Variants in USP25 observed in about 807,000 individuals in gnomAD.
The protein encoded by USP25 is ubiquitin specific peptidase 25, also known as ubiquitin carboxyl-terminal hydrolase 25.
In USP25, 85 loss-of-function variants were observed where a neutral mutation model predicts 158.5. The ratio of observed to expected loss-of-function variants is 0.54; its 90% CI spans 0.45 to 0.64. The LOEUF is 0.64. Ranked by LOEUF, USP25 falls within the 30% of genes least tolerant of loss-of-function variation. USP25 has a pLI of 0.00. For synonymous variants in USP25, 464 were observed against 460.4 expected (o/e 1.01, Z -0.10); for missense variants, 1,242 against 1,327.3 (o/e 0.94, Z 1.00).
At chr21:15,745,988 G>C (rs1445863835) in intron 1 of USP25, among the ~76,000 whole-genome samples, 1 of 152,108 alleles carries the variant, frequency 6.6e-6, no homozygotes, top group Admixed American at 6.5e-5. Context: ...AATTATATTG[G>C]TACCTTTATG....
intron 3 of USP25, among the ~76,000 whole-genome samples, chr21:15,770,151 T>C (rs946745862): frequency 3.3e-5 from 5 of 152,210 alleles, no homozygotes; most frequent in East Asian, 3.9e-4. Flanking sequence ...AATTCTCTTA[T>C]GCTAAACAGT....
rs1409112375 is a variant in USP25, at chr21:15,831,603, A to G, written c.1967A>G (p.Asn656Ser). The G allele has an allele frequency of 6.2e-7, 1 of 1,613,716 alleles. No homozygotes were observed. The highest frequency in any genetic ancestry group is 8.5e-7 in the Non-Finnish European group (1 of 1,179,818). The change falls in exon 16 of 26, where the codon AAT becomes AGT. Residue 656 changes from asparagine (N) to serine (S), a missense_variant. Coordinates refer to ENST00000400183, the MANE Select transcript of USP25 (RefSeq NM_001283041.3). Reference sequence around the variant, plus strand: ...AGTGCATACTGTTTAATGTACATAAATGATAAGGCACAGTTCCTAATACAA... The same window carrying G: ...AGTGCATACTGTTTAATGTACATAAGTGATAAGGCACAGTTCCTAATACAA... ...NASAYCLMYI[N>S]DKAQFLIQEE...
intron 20 of USP25, among the ~76,000 whole-genome samples, chr21:15,860,967 T>TAGAGAGAG (rs1285954666): frequency 1.2e-4 from 17 of 141,298 alleles, no homozygotes; most frequent in African/African-American, 4.1e-4. Context: ...TATATATATA[T>TAGAGAGAG]ATATATATAG....
At chr21:15,870,796 A>C (rs893208147) in intron 23 of USP25, among the ~76,000 whole-genome samples, 2 of 152,062 alleles carry the variant, frequency 1.3e-5, no homozygotes, top group Admixed American at 1.3e-4. Context: ...GGGATATTGA[A>C]TTTTTCCTTT....
intron 1 of USP25, among the ~76,000 whole-genome samples, chr21:15,730,808 C>A (rs2030758496): frequency 6.6e-6 from 1 of 152,104 alleles, no homozygotes; most frequent in African/African-American, 2.4e-5. Context: ...CCGATTTTGT[C>A]TTTCAAAGGT....
In USP25 at chr21:15,777,895, GC is replaced by G; in HGVS notation, c.269-8del. ...TTTTAATTTTGAGAAAGATAGTTTT[GC>G]TTTTCAGATGTGATTGATCTCACTG... On this transcript the variant is annotated splice_polypyrimidine_tract_variant and splice_region_variant and intron_variant, in intron 3 of 25. Transcript: ENST00000400183. 6.4e-7 allele frequency: 1 copy of G among 1,564,218 alleles called. No individual in the cohort carries two copies. Among genetic ancestry groups the G allele is most frequent in the Non-Finnish European group, 8.6e-7 (1 of 1,162,578 alleles).
chr21:15,845,479 A>T (rs75547079), intron 18 of USP25, among the ~76,000 whole-genome samples: 363 of 152,218 alleles, frequency 2.4e-3, no homozygotes, highest in African/African-American at 8.3e-3. Context: ...GAATTATTAT[A>T]TGTGGCAAAG....
At position 15,864,417 on chromosome 21, in the gene USP25, T is replaced by G. The variant is rs1176441923; in HGVS notation, c.2697T>G (p.Phe899Leu). Residue 899 changes from phenylalanine (F) to leucine (L), a missense_variant, in exon 21 of 26, where the codon TTT (phenylalanine) becomes TTG (leucine). Phe to Leu is a conservative substitution (Grantham distance 22). This residue lies in a region of USP25 where 608 missense variants were observed against 605.2 expected (regional missense o/e 1.00). Transcript: ENST00000400183. The stretch of plus-strand genomic sequence containing the variant: ...TTGAGAAAACATTACTAGAACAATT[T>G]GGAGATAGAAATTTGAGTTTTGATG... ...KIIEKTLLEQ[F>L]GDRNLSFDER... The G allele has an allele frequency of 1.2e-6, 2 of 1,605,042 alleles. No individual in the cohort carries two copies. Among genetic ancestry groups the G allele is most frequent in the Non-Finnish European group, 1.7e-6 (2 of 1,177,746 alleles).
chr21:15,818,605 A>C (rs1331322925), intron 9 of USP25, 93 bp from the exon 10 acceptor site: 1 of 1,123,140 alleles, frequency 8.9e-7, no homozygotes, highest in East Asian at 2.4e-5. Context: ...TCAGTGTTAC[A>C]ATTTTCAGGT....
intron 4 of USP25, among the ~76,000 whole-genome samples, chr21:15,787,364 T>C (rs1049554184): frequency 6.6e-6 from 1 of 152,026 alleles, no homozygotes; most frequent in Non-Finnish European, 1.5e-5. Context: ...ACTGCTAGAA[T>C]ATAGTAACCA....
chr21:15,747,377 G>A (rs1329865258), intron 1 of USP25, among the ~76,000 whole-genome samples: 1 of 151,360 alleles, frequency 6.6e-6, no homozygotes, highest in Non-Finnish European at 1.5e-5. Context: ...ATATAGTATG[G>A]TTCAGTACTA....
chr21:15,788,788 T>C (rs779103450), intron 4 of USP25, among the ~76,000 whole-genome samples: 52 of 152,248 alleles, frequency 3.4e-4, no homozygotes, highest in Admixed American at 1.2e-3. Context: ...ACCCATACTT[T>C]TGTTAACAGT....
At chr21:15,787,910 C>CG (rs907920786) in intron 4 of USP25, among the ~76,000 whole-genome samples, 12 of 146,592 alleles carry the variant, frequency 8.2e-5, no homozygotes, top group African/African-American at 2.5e-4. Context: ...TCACCCCCCC[C>CG]CCAAGTAAAA....
intron 1 of USP25, among the ~76,000 whole-genome samples, chr21:15,759,181 A>G (rs1409718437): frequency 6.6e-6 from 1 of 152,246 alleles, no homozygotes; most frequent in Non-Finnish European, 1.5e-5. Flanking sequence ...TGAATTGAAT[A>G]AAGATAATTT....
intron 1 of USP25, among the ~76,000 whole-genome samples, chr21:15,743,277 C>T (rs2032231712): frequency 6.6e-6 from 1 of 152,192 alleles, no homozygotes. Flanking sequence ...GCCCACAGCT[C>T]CAGGAGCCAG....
chr21:15,798,352 A>G (rs2035964285), intron 5 of USP25, among the ~76,000 whole-genome samples: 1 of 151,328 alleles, frequency 6.6e-6, no homozygotes. Flanking sequence ...ATTAGAATAC[A>G]CAAGTATGTT....
intron 19 of USP25, among the ~76,000 whole-genome samples, chr21:15,848,557 G>T (rs1305039225): frequency 6.6e-6 from 1 of 152,056 alleles, no homozygotes; most frequent in Non-Finnish European, 1.5e-5. Flanking sequence ...GGGGAGGGGG[G>T]TGATTTGGAA....
At chr21:15,851,373 A>G (rs2038880291) in intron 20 of USP25, among the ~76,000 whole-genome samples, 1 of 152,018 alleles carries the variant, frequency 6.6e-6, no homozygotes, top group Non-Finnish European at 1.5e-5. Flanking sequence ...CTTTAAATAG[A>G]ATATTTGGGT....
intron 15 of USP25, among the ~76,000 whole-genome samples, chr21:15,831,140 A>G (rs34293390): frequency 6.6e-6 from 1 of 152,218 alleles, no homozygotes; most frequent in Non-Finnish European, 1.5e-5. Flanking sequence ...GAGTATGTAC[A>G]CAATAAATAC....
Sources: gnomAD v4.1 joint callset for allele counts (sites outside exome capture counted in the v4.1 genomes callset) on GRCh38, gnomAD v4.1.1 for gene constraint, gnomAD v4.1.1 regional missense constraint, MANE v1.5 for transcripts, NCBI Gene and HGNC (gene_info 2026-07-23, HGNC 2026-07-21) for gene names.